The following DCAF6 variants were observed in gnomAD, a reference collection of about 807,000 sequenced individuals.
DCAF6 encodes the protein DDB1- and CUL4-associated factor 6.
Under a neutral mutation model 125.1 loss-of-function variants are expected in DCAF6, and 54 were observed. The ratio of observed to expected loss-of-function variants is 0.43; its 90% CI spans 0.35 to 0.54. The LOEUF is 0.54. DCAF6 is among the 20% of genes least tolerant of loss of function. DCAF6 has a pLI of 0.01. For missense variants in DCAF6, 934 were observed against 1,161.7 expected, an observed-to-expected ratio of 0.80 and a Z score of 2.85; for synonymous variants, 371 against 390.4, an observed-to-expected ratio of 0.95 and a Z score of 0.58.
intron 3 of DCAF6, among the ~76,000 whole-genome samples, chr1:167,974,506 C>T (rs922019722): frequency 1.3e-5 from 2 of 152,034 alleles, no homozygotes; most frequent in African/African-American, 4.8e-5. Context: ...CAGTAAATTT[C>T]AAAAGTCAGT....
intron 7 of DCAF6, among the ~76,000 whole-genome samples, chr1:168,001,148 A>G (rs1315738544): frequency 6.6e-6 from 1 of 152,148 alleles, no homozygotes; most frequent in African/African-American, 2.4e-5. Context: ...AAAAATTTTT[A>G]AAACAGCTGG....
intron 17 of DCAF6, among the ~76,000 whole-genome samples, chr1:168,061,639 A>C (rs1051106552): frequency 3.9e-5 from 6 of 152,126 alleles, no homozygotes; most frequent in Non-Finnish European, 7.4e-5. Flanking sequence ...AATCTGTCTC[A>C]ATTACAGTTG....
intron 3 of DCAF6, among the ~76,000 whole-genome samples, chr1:167,970,860 T>C (rs1228025242): frequency 6.6e-6 from 1 of 152,128 alleles, no homozygotes; most frequent in Non-Finnish European, 1.5e-5. Context: ...AGATATTCCT[T>C]ATTAATGCAA....
upstream of DCAF6, chr1:167,936,049 C>T: frequency 3.4e-6 from 2 of 586,584 alleles, no homozygotes; most frequent in South Asian, 2.0e-5. Context: ...CGGAGGCTGC[C>T]GACTGCCAGC....
At chr1:167,952,275 ACTGCAAGCTCAGCCTCC>A (rs1168639266) in intron 2 of DCAF6, among the ~76,000 whole-genome samples, 1 of 151,956 alleles carries the variant, frequency 6.6e-6, no homozygotes, top group African/African-American at 2.4e-5. Context: ...ATCTCGGCTC[ACTGCAAGCTCAGCCTCC>A]CTGCAAGCTC....
At chr1:167,960,359 C>A (rs1463050196) in intron 2 of DCAF6, among the ~76,000 whole-genome samples, 1 of 151,928 alleles carries the variant, frequency 6.6e-6, no homozygotes, top group Non-Finnish European at 1.5e-5. Flanking sequence ...AGTGCAATGG[C>A]GCGATCTCAG....
At chr1:167,973,122 G>A (rs1677592091) in intron 3 of DCAF6, among the ~76,000 whole-genome samples, 1 of 152,282 alleles carries the variant, frequency 6.6e-6, no homozygotes, top group South Asian at 2.1e-4. Context: ...CAGCGTTAAA[G>A]AACATGATAT....
At chr1:167,989,493 A>G (rs528597616) in intron 5 of DCAF6, among the ~76,000 whole-genome samples, 1 of 152,254 alleles carries the variant, frequency 6.6e-6, no homozygotes, top group Non-Finnish European at 1.5e-5. Context: ...AAAAACTTAG[A>G]ATTATGAAAG....
chr1:167,921,497 C>G, the DCAF6 span, among the ~76,000 whole-genome samples: 1 of 152,198 alleles, frequency 6.6e-6, no homozygotes, highest in Non-Finnish European at 1.5e-5. Flanking sequence ...GCTGGGATTA[C>G]AGGTGTGAGC....
At chr1:167,915,148 C>T in the DCAF6 span, among the ~76,000 whole-genome samples, 26 of 152,084 alleles carry the variant, frequency 1.7e-4, 1 homozygote, top group Non-Finnish European at 2.6e-4. Context: ...TTCAACCTTT[C>T]GCTATGATTT....
chr1:167,881,261 T>C, the DCAF6 span, among the ~76,000 whole-genome samples: 2 of 152,346 alleles, frequency 1.3e-5, no homozygotes, highest in African/African-American at 4.8e-5. Flanking sequence ...TTGGCATTTG[T>C]AGTATTAGTC....
chr1:167,897,718 G>A, the DCAF6 span, among the ~76,000 whole-genome samples: 4 of 8 alleles, frequency 0.5, no homozygotes, highest in African/African-American at 0.5. Flanking sequence ...CAACAAGGCC[G>A]GGCGCCAGGG....
chr1:167,962,246 G>A (rs1205278218), intron 2 of DCAF6, among the ~76,000 whole-genome samples: 1 of 151,974 alleles, frequency 6.6e-6, no homozygotes, highest in African/African-American at 2.4e-5. Flanking sequence ...TGTCCTTACT[G>A]ATTTTCTGCC....
intron 4 of DCAF6, among the ~76,000 whole-genome samples, chr1:167,980,539 T>G (rs1335091966): frequency 2.0e-5 from 3 of 152,192 alleles, no homozygotes; most frequent in Non-Finnish European, 4.4e-5. Context: ...TTACTGTGGT[T>G]GTGATTTTCA....
At position 168,022,946 on chromosome 1, in the gene DCAF6, T is replaced by G. The variant is rs779411467; in HGVS notation, c.1550-42T>G. 7.0e-6 allele frequency: 11 copies of G among 1,581,674 alleles called. No homozygotes were observed. The African/African-American group carries it at 1.2e-4, about 17-fold the overall frequency. ...TGATCATGACATTGCTGTGCAGTTT[T>G]CTGCTGCTTACTTTTAAGTTGAAAT... is the stretch of plus-strand genomic sequence containing the variant. On this transcript the variant is annotated intron_variant, in intron 11 of 21. Transcript: ENST00000367840.
the DCAF6 span, among the ~76,000 whole-genome samples, chr1:167,867,105 C>T: frequency 6.6e-6 from 1 of 152,154 alleles, no homozygotes; most frequent in Admixed American, 6.5e-5. Context: ...CACCCTAAAC[C>T]CCGCCACCTT....
the DCAF6 span, chr1:167,880,069 G>A: frequency 6.6e-6 from 10 of 1,524,746 alleles, no homozygotes; most frequent in Non-Finnish European, 8.1e-6. Flanking sequence ...GTGGCAAGGT[G>A]CTGTGTTTGC....
intron 8 of DCAF6, among the ~76,000 whole-genome samples, chr1:168,003,410 T>C (rs927906300): frequency 2.0e-5 from 3 of 152,224 alleles, no homozygotes; most frequent in Non-Finnish European, 4.4e-5. Context: ...TAAATGATGT[T>C]GAAAATAAAT....
chr1:167,937,397 A>G (rs548454053), intron 1 of DCAF6: 6 of 223,548 alleles, frequency 2.7e-5, no homozygotes, highest in Admixed American at 5.8e-5. Flanking sequence ...GAAGAACCTA[A>G]GTTGTTGCCC....
Sources: gnomAD v4.1 joint callset for allele counts (sites outside exome capture counted in the v4.1 genomes callset) on GRCh38, gnomAD v4.1.1 for gene constraint, MANE v1.5 for transcripts, NCBI Gene and HGNC (gene_info 2026-07-23, HGNC 2026-07-21) for gene names.